Variants in DSCAM observed in about 807,000 individuals in gnomAD.
DSCAM encodes DS cell adhesion molecule, also known as cell adhesion molecule DSCAM.
A neutral mutation model predicts 217.7 loss-of-function variants in DSCAM; 47 were observed. That is an observed-to-expected ratio of 0.22 (90% CI 0.17 to 0.28). DSCAM has a LOEUF of 0.28. Among genes scored for constraint, DSCAM ranks in the 10% least tolerant of loss-of-function variants. The pLI is 1.00. For synonymous variants in DSCAM, 1,056 were observed against 1,015.3 expected, an observed-to-expected ratio of 1.04 and a Z score of -0.76; for missense variants, 2,080 against 2,618.3, an observed-to-expected ratio of 0.79 and a Z score of 4.49.
chr21:40,343,440 TA>T (rs1459595023), intron 6 of DSCAM, among the ~76,000 whole-genome samples: 1 of 152,204 alleles, frequency 6.6e-6, no homozygotes. Flanking sequence ...TGCCACTCAT[TA>T]GGTCAAGGAA....
chr21:40,423,127 C>T (rs2075440162), intron 3 of DSCAM, among the ~76,000 whole-genome samples: 1 of 152,130 alleles, frequency 6.6e-6, no homozygotes, highest in Non-Finnish European at 1.5e-5. Flanking sequence ...GCATAAAAGT[C>T]CAGAGGGCAT....
intron 3 of DSCAM, among the ~76,000 whole-genome samples, chr21:40,491,390 A>G (rs377492951): frequency 1.1e-3 from 165 of 152,178 alleles, no homozygotes; most frequent in African/African-American, 3.3e-3. Context: ...ATTGTCAAGC[A>G]TTGCTGGGAC....
At chr21:40,696,011 T>G (rs1376593624) in intron 2 of DSCAM, among the ~76,000 whole-genome samples, 1 of 152,108 alleles carries the variant, frequency 6.6e-6, no homozygotes, top group Non-Finnish European at 1.5e-5. Flanking sequence ...AGCCTTGATC[T>G]TCATTCTACA....
Position 40,133,879 on chromosome 21 carries a change from C to T in DSCAM, c.3537G>A (p.Gln1179=). 5 of 1,610,712 alleles carry T rather than the reference C, an allele frequency of 3.1e-6. No homozygotes were observed. The highest frequency in any genetic ancestry group is 4.2e-6 in the Non-Finnish European group (5 of 1,178,630). ...CATCCTCTTTGGTCCGGGTGAAGAT[C>T]TGCTCACTCCTGACCCCGTCTCCTG... ...TRAGDGVRSE[Q]IFTRTKEDVP... The change falls in exon 19 of 33, where the codon CAG becomes CAA. Residue 1179 remains glutamine (Q), a synonymous_variant. Coordinates refer to ENST00000400454, the MANE Select transcript of DSCAM (RefSeq NM_001389.5).
intron 20 of DSCAM, among the ~76,000 whole-genome samples, chr21:40,122,674 C>T (rs1239258762): frequency 6.6e-6 from 1 of 152,172 alleles, no homozygotes. Flanking sequence ...ATATTGAAAA[C>T]CACATAAGAA....
intron 20 of DSCAM, among the ~76,000 whole-genome samples, chr21:40,103,227 A>C (rs1257091976): frequency 6.6e-6 from 1 of 152,230 alleles, no homozygotes; most frequent in Non-Finnish European, 1.5e-5. Flanking sequence ...CTAATTCTAT[A>C]AGGAAATGTG....
At chr21:40,486,141 A>G (rs941120903) in intron 3 of DSCAM, among the ~76,000 whole-genome samples, 8 of 152,342 alleles carry the variant, frequency 5.3e-5, no homozygotes, top group South Asian at 4.1e-4. Flanking sequence ...TCACCCAACT[A>G]TAAGGAGAGA....
In DSCAM at chr21:40,085,754, G is replaced by A. The variant is rs2089524733; in HGVS notation, c.3980C>T (p.Pro1327Leu). ...VKWMKDSNGT[P>L]SLVTIDGRRS... ...CCGCCCATCAATCGTTACTAGACTGGGTGTCCCGTTACTGCCTCACAGGAA... is the reference window on the plus strand; with the variant it reads ...CCGCCCATCAATCGTTACTAGACTGAGTGTCCCGTTACTGCCTCACAGGAA... Residue 1327 changes from proline (P) to leucine (L), a missense_variant, in exon 23 of 33, where the codon CCC becomes CTC. This residue lies in a region of DSCAM where 1,144 missense variants were observed against 1,421.1 expected (regional missense o/e 0.81). Coordinates refer to ENST00000400454, the MANE Select transcript of DSCAM (RefSeq NM_001389.5). 2 of 1,512,638 alleles carry A rather than the reference G, an allele frequency of 1.3e-6. No homozygotes were observed. The highest frequency in any genetic ancestry group is 2.3e-5 in the East Asian group (1 of 42,720). The allele number at this position is 1,512,638 out of a possible 1,614,324, so 93.7% of individuals were successfully genotyped here. A position where few individuals can be genotyped will look rare whatever the true frequency, so the allele number is the denominator to read the frequency against.
intron 11 of DSCAM, among the ~76,000 whole-genome samples, chr21:40,196,573 CCTT>C (rs1184446572): frequency 6.6e-6 from 1 of 151,924 alleles, no homozygotes; most frequent in Non-Finnish European, 1.5e-5. Context: ...CATTTCCCCT[CCTT>C]CTCCTTTTTT....
intron 11 of DSCAM, among the ~76,000 whole-genome samples, chr21:40,247,575 T>C (rs2073243511): frequency 6.6e-6 from 1 of 152,232 alleles, no homozygotes; most frequent in Non-Finnish European, 1.5e-5. Context: ...TGCATCCAGG[T>C]CATGCTGATG....
intron 6 of DSCAM, among the ~76,000 whole-genome samples, chr21:40,340,265 T>C (rs2074477071): frequency 6.6e-6 from 1 of 152,214 alleles, no homozygotes; most frequent in Non-Finnish European, 1.5e-5. Flanking sequence ...GCAGGCAAAC[T>C]AGGATCTTAA....
chr21:40,395,813 T>A (rs1047089553), intron 3 of DSCAM, among the ~76,000 whole-genome samples: 1 of 152,308 alleles, frequency 6.6e-6, no homozygotes, highest in Non-Finnish European at 1.5e-5. Context: ...AGGGAATGGA[T>A]TGGGGAGAAA....
intron 10 of DSCAM, 113 bp from the exon 11 acceptor site, chr21:40,276,383 G>C (rs2073688086): frequency 1.2e-6 from 1 of 856,786 alleles, no homozygotes; most frequent in Non-Finnish European, 1.6e-6. Context: ...GATCCCATAA[G>C]GCAGTCACGG....
chr21:40,231,002 C>T (rs2091376391), intron 11 of DSCAM, among the ~76,000 whole-genome samples: 2 of 149,174 alleles, frequency 1.3e-5, no homozygotes, highest in Non-Finnish European at 1.5e-5. Context: ...CCTTGACTCT[C>T]GATTATGCTT....
At chr21:40,395,262 A>G (rs946387998) in intron 3 of DSCAM, among the ~76,000 whole-genome samples, 15 of 152,092 alleles carry the variant, frequency 9.9e-5, no homozygotes, top group African/African-American at 3.6e-4. Context: ...TTTTAATGAA[A>G]GAAAATGAAA....
At chr21:40,602,222 A>C (rs1451587229) in intron 3 of DSCAM, among the ~76,000 whole-genome samples, 1 of 151,876 alleles carries the variant, frequency 6.6e-6, no homozygotes, top group Non-Finnish European at 1.5e-5. Context: ...CTCCATGCTC[A>C]GATAATTATT....
chr21:40,459,190 G>A (rs577817500), intron 3 of DSCAM, among the ~76,000 whole-genome samples: 86 of 152,110 alleles, frequency 5.7e-4, no homozygotes, highest in Admixed American at 1.1e-3. Flanking sequence ...TAAATCAAAA[G>A]TTTTGAAATA....
chr21:40,057,513 G>C (rs2146509104), intron 28 of DSCAM, among the ~76,000 whole-genome samples: 1 of 152,292 alleles, frequency 6.6e-6, no homozygotes, highest in South Asian at 2.1e-4. Flanking sequence ...GTGTGAGCTA[G>C]TTCCTTCTGC....
At chr21:40,672,835 C>G (rs2090292988) in intron 3 of DSCAM, among the ~76,000 whole-genome samples, 1 of 152,110 alleles carries the variant, frequency 6.6e-6, no homozygotes, top group African/African-American at 2.4e-5. Flanking sequence ...ACCAAAGCTT[C>G]CCCAAACATC....
Sources: allele counts gnomAD v4.1 joint callset (sites outside exome capture counted in the v4.1 genomes callset), GRCh38; gene constraint gnomAD v4.1.1; regional missense constraint gnomAD v4.1.1; transcripts MANE v1.5; gene names NCBI Gene and HGNC (gene_info 2026-07-23, HGNC 2026-07-21).